The following SLC8A1 variants were observed in gnomAD, a reference collection of about 807,000 sequenced individuals.
SLC8A1 encodes the protein sodium/calcium exchanger 1.
SLC8A1 carries 18 observed loss-of-function variants against 68.3 expected under a neutral mutation model. The observed-to-expected ratio is 0.26, with a 90% CI of 0.18 to 0.39. SLC8A1 has a LOEUF of 0.39. SLC8A1 is among the 10% of genes least tolerant of loss of function. The pLI is 1.00. For missense variants in SLC8A1, 985 were observed against 1,156.7 expected, an observed-to-expected ratio of 0.85 and a Z score of 2.15; for synonymous variants, 475 against 415.5, an observed-to-expected ratio of 1.14 and a Z score of -1.74.
At chr2:40,100,422 A>G (rs1220478100) in exon 8 of SLC8A1, 2 of 152,060 alleles carry the variant, frequency 1.3e-5, no homozygotes, top group African/African-American at 4.8e-5. Context: ...TGGACGGCAA[A>G]AGTTGGGAAT....
chr2:40,454,874 A>C (rs1011935730), upstream of SLC8A1, among the ~76,000 whole-genome samples: 1 of 152,256 alleles, frequency 6.6e-6, no homozygotes, highest in Non-Finnish European at 1.5e-5. Flanking sequence ...TATGGCTCTA[A>C]GAAAGGAAAA....
intron 7 of SLC8A1, among the ~76,000 whole-genome samples, chr2:40,122,229 T>C (rs9309052): frequency 0.66 from 99,378 of 149,488 alleles, 33,684 homozygotes; most frequent in East Asian, 0.8. Context: ...CACACACGTG[T>C]GCGCGCGCAC....
chr2:40,248,319 C>T (rs2062185166), intron 2 of SLC8A1, among the ~76,000 whole-genome samples: 1 of 152,142 alleles, frequency 6.6e-6, no homozygotes, highest in Non-Finnish European at 1.5e-5. Context: ...TCCTAACTCC[C>T]AGGGTGATGG....
chr2:40,455,285 T>A (rs1559742069), upstream of SLC8A1, among the ~76,000 whole-genome samples: 1 of 152,224 alleles, frequency 6.6e-6, no homozygotes, highest in Non-Finnish European at 1.5e-5. Context: ...TTTTTAAAAA[T>A]ATTTAATACT....
At chr2:40,500,963 G>A (rs1438292644) in intron 1 of SLC8A1, among the ~76,000 whole-genome samples, 1 of 151,714 alleles carries the variant, frequency 6.6e-6, no homozygotes, top group African/African-American at 2.4e-5. Flanking sequence ...AGCTCTCAAA[G>A]ACCTAGTGAT....
chr2:40,481,659 G>A (rs190169646), intron 1 of SLC8A1, among the ~76,000 whole-genome samples: 2 of 152,268 alleles, frequency 1.3e-5, no homozygotes, highest in Admixed American at 6.5e-5. Context: ...GGGAGAAAGT[G>A]GAATCATAAT....
At chr2:40,415,643 G>C (rs184887131) in intron 2 of SLC8A1, among the ~76,000 whole-genome samples, 1 of 152,022 alleles carries the variant, frequency 6.6e-6, no homozygotes, top group Non-Finnish European at 1.5e-5. Flanking sequence ...CAAATGCAAA[G>C]TCTTTCATTT....
intron 2 of SLC8A1, among the ~76,000 whole-genome samples, chr2:40,274,594 C>T (rs1471368131): frequency 2.0e-5 from 3 of 152,212 alleles, no homozygotes; most frequent in East Asian, 1.9e-4. Flanking sequence ...GATGATGATA[C>T]AAGCATATCA....
chr2:40,375,980 G>A (rs954142402), intron 2 of SLC8A1, among the ~76,000 whole-genome samples: 2 of 152,042 alleles, frequency 1.3e-5, no homozygotes, highest in Non-Finnish European at 2.9e-5. Flanking sequence ...CAGCTTGGGT[G>A]ACAGAGCAAG....
In SLC8A1 at chr2:40,282,583, G is replaced by A. The variant is rs1575050577; in HGVS notation, c.1809-104728C>T. On this transcript the variant is annotated intron_variant, in intron 2 of 7. Transcript: ENST00000406785. ...TCAAGAGATTTCCTTTCCGTTAACT[G>A]CAATGCTAAGTGAGATGCATCAGTT... is the stretch of plus-strand genomic sequence containing the variant. Among the ~76,000 whole-genome samples the A allele has an allele frequency of 5.3e-5, 8 of 152,262 alleles. 1 individual carries two copies. The highest frequency in any genetic ancestry group is 5.2e-4 in the Admixed American group (8 of 15,282).
At chr2:40,115,809 T>G (rs963630801) in intron 7 of SLC8A1, among the ~76,000 whole-genome samples, 180 bp from the exon 11 acceptor site, 1 of 152,164 alleles carries the variant, frequency 6.6e-6, no homozygotes, top group African/African-American at 2.4e-5. Context: ...ATCTAGATAT[T>G]GGGAGTTAAG....
chr2:40,412,054 A>T (rs1207272680), intron 2 of SLC8A1, among the ~76,000 whole-genome samples: 1 of 152,162 alleles, frequency 6.6e-6, no homozygotes, highest in Non-Finnish European at 1.5e-5. Flanking sequence ...ATATTAAATA[A>T]CTAGCCCAAT....
chr2:40,401,049 C>T (rs1372458515), intron 2 of SLC8A1, among the ~76,000 whole-genome samples: 1 of 152,144 alleles, frequency 6.6e-6, no homozygotes, highest in Non-Finnish European at 1.5e-5. Flanking sequence ...ACACAGACAC[C>T]ATCATAGGTC....
At chr2:40,371,587 C>A (rs533573024) in intron 2 of SLC8A1, among the ~76,000 whole-genome samples, 2 of 152,218 alleles carry the variant, frequency 1.3e-5, no homozygotes, top group South Asian at 4.1e-4. Flanking sequence ...AAGCACAATA[C>A]ATAGTCAACT....
In SLC8A1 at chr2:40,121,698, G is replaced by A. The variant is rs560809459; in HGVS notation, c.2438-6069C>T. 4.6e-5 allele frequency among the ~76,000 whole-genome samples: 7 copies of A among 152,256 alleles called. No homozygotes were observed. The East Asian group carries it at 1.4e-3, about 29-fold the overall frequency. On this transcript the variant is annotated intron_variant, in intron 7 of 7. Coordinates refer to ENST00000406785, the Ensembl canonical transcript of SLC8A1. ...GAATAGGGCCTGGCACTTAATGGGT[G>A]TTCAGTATTATTAGCTATTTTTATA... is the stretch of plus-strand genomic sequence containing the variant.
rs185056806 is a variant in SLC8A1 at position 40,347,340 on chromosome 2, G to A, written c.1808+81133C>T. ...AACTATCAACCTAACCATGTAAAAG[G>A]CAGAATCCCTTTGAGAACCTCATAT... On this transcript the variant is annotated intron_variant, in intron 2 of 7. Coordinates refer to ENST00000406785, the Ensembl canonical transcript of SLC8A1. Among the ~76,000 whole-genome samples, 18 of 152,246 alleles carry A rather than the reference G, an allele frequency of 1.2e-4. No individual in the cohort carries two copies. In the South Asian group the frequency reaches 1.7e-3, roughly 14 times the overall value.
At chr2:40,266,739 T>A (rs778649419) in intron 2 of SLC8A1, among the ~76,000 whole-genome samples, 37 of 152,172 alleles carry the variant, frequency 2.4e-4, no homozygotes, top group Non-Finnish European at 4.7e-4. Context: ...GGGCTAATGG[T>A]ATTGGTTAAA....
intron 2 of SLC8A1, among the ~76,000 whole-genome samples, chr2:40,271,883 T>C (rs79779391): frequency 6.6e-6 from 1 of 152,238 alleles, no homozygotes; most frequent in South Asian, 2.1e-4. Flanking sequence ...TATTTTTTTT[T>C]AGAGTCAGGG....
chr2:40,481,016 G>A (rs748368613), intron 1 of SLC8A1, among the ~76,000 whole-genome samples: 5 of 152,172 alleles, frequency 3.3e-5, no homozygotes, highest in African/African-American at 4.8e-5. Context: ...GAGAAGAAGA[G>A]AGGAGTATAT....
Sources: gnomAD v4.1 joint callset for allele counts (sites outside exome capture counted in the v4.1 genomes callset) on GRCh38, gnomAD v4.1.1 for gene constraint, MANE v1.5 for transcripts, NCBI Gene and HGNC (gene_info 2026-07-23, HGNC 2026-07-21) for gene names.